Variants in CSMD1 observed in about 807,000 individuals in gnomAD.
The protein encoded by CSMD1 is CUB and Sushi multiple domains 1.
In CSMD1, 213 loss-of-function variants were observed where a neutral mutation model predicts 417.5. That is an observed-to-expected ratio of 0.51 (90% CI 0.46 to 0.57). The LOEUF is 0.57. CSMD1 is among the 20% of genes least tolerant of loss of function. The pLI is 0.00. For synonymous variants in CSMD1, 2,862 were observed against 1,736.8 expected, an observed-to-expected ratio of 1.65 and a Z score of -16.11; for missense variants, 6,923 against 4,529.7, an observed-to-expected ratio of 1.53 and a Z score of -15.17.
At chr8:4,758,962 T>G (rs1022401465) in intron 1 of CSMD1, among the ~76,000 whole-genome samples, 16 of 152,174 alleles carry the variant, frequency 1.1e-4, no homozygotes, top group African/African-American at 3.6e-4. Context: ...GTTTGCCTGT[T>G]GCACAGAGTG....
At chr8:4,068,746 G>C (rs149398194) in intron 3 of CSMD1, among the ~76,000 whole-genome samples, 1 of 152,190 alleles carries the variant, frequency 6.6e-6, no homozygotes, top group East Asian at 1.9e-4. Flanking sequence ...GTGTATTTCT[G>C]TACCATAAAA....
intron 3 of CSMD1, among the ~76,000 whole-genome samples, chr8:4,398,673 G>A (rs750341951): frequency 6.6e-6 from 1 of 152,048 alleles, no homozygotes; most frequent in Non-Finnish European, 1.5e-5. Context: ...GGGATTACAG[G>A]CATGAGCCAT....
intron 3 of CSMD1, among the ~76,000 whole-genome samples, chr8:4,329,131 C>A (rs541113361): frequency 2.6e-5 from 4 of 152,076 alleles, no homozygotes; most frequent in African/African-American, 9.7e-5. Context: ...GGCTTCCAAA[C>A]GTGTGTTATC....
At chr8:3,451,840 CA>C (rs1210309800) in intron 12 of CSMD1, among the ~76,000 whole-genome samples, 1 of 152,086 alleles carries the variant, frequency 6.6e-6, no homozygotes, top group Non-Finnish European at 1.5e-5. Flanking sequence ...TAGTTTTTTC[CA>C]ATTACGTGAA....
chr8:4,188,422 G>T (rs1011416753), intron 3 of CSMD1, among the ~76,000 whole-genome samples: 13 of 152,028 alleles, frequency 8.6e-5, no homozygotes, highest in Non-Finnish European at 1.6e-4. Flanking sequence ...AGATTATTTC[G>T]GCAGATACAA....
intron 3 of CSMD1, among the ~76,000 whole-genome samples, chr8:4,252,863 G>A (rs78864542): frequency 0.023 from 3,434 of 152,294 alleles, 137 homozygotes; most frequent in African/African-American, 0.079. Flanking sequence ...TTGGGACCAT[G>A]AGTGAAAGGC....
rs1451465077 is a variant in CSMD1, at chr8:3,219,385, G to C, written c.4542C>G (p.Asn1514Lys). 1.9e-6 allele frequency: 3 copies of C among 1,565,966 alleles called. No individual in the cohort carries two copies. The highest frequency in any genetic ancestry group is 2.6e-6 in the Non-Finnish European group (3 of 1,155,224). Residue 1514 changes from asparagine to lysine, a missense_variant, in exon 29 of 70, where the codon AAC (asparagine) becomes AAG (lysine). By Grantham distance (94) the Asn-to-Lys change is moderately conservative. Coordinates refer to ENST00000635120, the MANE Select transcript of CSMD1 (RefSeq NM_033225.6). ...FLHIYEGEDSNSPLIGSYQGS... is the reference protein window; with the variant it reads ...FLHIYEGEDSKSPLIGSYQGS... The stretch of plus-strand genomic sequence containing the variant: ...CCTGGTAACTCCCAATGAGGGGGCT[G>C]TTGGAATCTTCCCCTTCATAGATGT...
chr8:4,568,501 T>G (rs187754697), intron 2 of CSMD1, among the ~76,000 whole-genome samples: 7 of 152,326 alleles, frequency 4.6e-5, no homozygotes, highest in Admixed American at 4.6e-4. Context: ...ATGCCACATT[T>G]TCTTTATCCA....
intron 1 of CSMD1, among the ~76,000 whole-genome samples, chr8:4,743,865 C>T (rs1382493285): frequency 6.6e-6 from 1 of 152,124 alleles, no homozygotes; most frequent in Non-Finnish European, 1.5e-5. Flanking sequence ...TCTGTCCGTT[C>T]CCACTCAAGT....
chr8:3,589,409 C>A (rs950983221), intron 8 of CSMD1, among the ~76,000 whole-genome samples: 2 of 149,038 alleles, frequency 1.3e-5, no homozygotes, highest in African/African-American at 5.1e-5. Flanking sequence ...TGTGTGTTCA[C>A]GCGTGTGTGT....
chr8:3,848,733 G>C (rs1803680488), intron 5 of CSMD1, among the ~76,000 whole-genome samples: 2 of 151,994 alleles, frequency 1.3e-5, no homozygotes, highest in Non-Finnish European at 1.5e-5. Context: ...TGGTCTTTTA[G>C]GTGGTCCTGA....
chr8:4,407,619 A>G (rs1241374348), intron 3 of CSMD1, among the ~76,000 whole-genome samples: 1 of 152,218 alleles, frequency 6.6e-6, no homozygotes, highest in African/African-American at 2.4e-5. Context: ...TGTTAAATAT[A>G]TTGGAATTCA....
At chr8:4,353,579 T>C (rs1478462611) in intron 3 of CSMD1, among the ~76,000 whole-genome samples, 2 of 151,370 alleles carry the variant, frequency 1.3e-5, no homozygotes, top group South Asian at 2.1e-4. Context: ...AAGCCCAAAG[T>C]AGCATATCCT....
chr8:4,564,940 G>A (rs920247673), intron 2 of CSMD1, among the ~76,000 whole-genome samples: 1 of 152,302 alleles, frequency 6.6e-6, no homozygotes, highest in Non-Finnish European at 1.5e-5. Flanking sequence ...CTTTTCTAGT[G>A]TTATGAATTT....
chr8:4,570,653 C>G (rs1304885199), intron 2 of CSMD1, among the ~76,000 whole-genome samples: 1 of 152,130 alleles, frequency 6.6e-6, no homozygotes, highest in Non-Finnish European at 1.5e-5. Context: ...TGATGCTGGC[C>G]TCATAAAATG....
chr8:3,995,401 G>A lies in CSMD1; in HGVS notation c.818+2502C>T, dbSNP rs116355391. 2.0e-3 allele frequency among the ~76,000 whole-genome samples: 297 copies of A among 152,256 alleles called. 1 individual carries two copies. Among genetic ancestry groups the A allele is most frequent in the African/African-American group, 6.8e-3 (282 of 41,560 alleles). On this transcript the variant is annotated intron_variant, in intron 5 of 69. Transcript: ENST00000635120. The stretch of plus-strand genomic sequence containing the variant: ...CACACAAAACACTCTGTTGACCCAC[G>A]ACATATGCTAAATTGCTTTTCCATC...
At chr8:3,790,401 T>C (rs539146166) in intron 5 of CSMD1, among the ~76,000 whole-genome samples, 6 of 152,114 alleles carry the variant, frequency 3.9e-5, no homozygotes, top group Non-Finnish European at 7.4e-5. Context: ...TGTTTGACAG[T>C]TATAATGACA....
chr8:3,295,377 C>G (rs138349882), intron 25 of CSMD1, among the ~76,000 whole-genome samples: 2 of 152,032 alleles, frequency 1.3e-5, no homozygotes, highest in African/African-American at 4.8e-5. Context: ...CCACCCGCCT[C>G]GGCCTCCCAA....
chr8:3,887,910 A>T (rs896294523), intron 5 of CSMD1, among the ~76,000 whole-genome samples: 5 of 152,230 alleles, frequency 3.3e-5, no homozygotes, highest in African/African-American at 1.2e-4. Context: ...CTCAGTTGAC[A>T]TCAATTACAA....
Sources: allele counts gnomAD v4.1 joint callset (sites outside exome capture counted in the v4.1 genomes callset), GRCh38; gene constraint gnomAD v4.1.1; transcripts MANE v1.5; gene names NCBI Gene and HGNC (gene_info 2026-07-23, HGNC 2026-07-21).